The following SLC9C1 variants were observed in gnomAD, a reference collection of about 807,000 sequenced individuals.
The protein encoded by SLC9C1 is solute carrier family 9 member C1, also known as sodium/hydrogen exchanger 10.
In SLC9C1, 97 loss-of-function variants were observed where a neutral mutation model predicts 140.9. The ratio of observed to expected loss-of-function variants is 0.69; its 90% CI spans 0.58 to 0.82. The LOEUF (loss-of-function observed/expected upper bound fraction) is 0.82. SLC9C1 is among the 40% of genes least tolerant of loss of function. SLC9C1 has a pLI of 0.00. For missense variants in SLC9C1, 1,340 were observed against 1,389.3 expected (o/e 0.96, Z 0.56); for synonymous variants, 440 against 442.6 (o/e 0.99, Z 0.07).
chr3:112,250,350 GT>G (rs1398141564), intron 10 of SLC9C1, among the ~76,000 whole-genome samples: 1 of 150,974 alleles, frequency 6.6e-6, no homozygotes, highest in African/African-American at 2.4e-5. Context: ...CTTTGCTATT[GT>G]GAATAGTGCC....
rs368072876 is a variant in SLC9C1, at chr3:112,157,210, G to A, written c.3365-2161C>T. ...GTTTTTTTCTATATGGTAATAGATG[G>A]GAAACTTGTTTCATTCTTCTGCATA... On this transcript the variant is annotated intron_variant, in intron 26 of 28. Coordinates refer to ENST00000305815, the MANE Select transcript of SLC9C1 (RefSeq NM_183061.3). 4.6e-5 allele frequency among the ~76,000 whole-genome samples: 7 copies of A among 151,852 alleles called. 1 individual carries two copies. The South Asian group carries it at 1.5e-3, about 32-fold the overall frequency.
intron 13 of SLC9C1, among the ~76,000 whole-genome samples, chr3:112,227,850 A>G (rs1424757743): frequency 6.6e-6 from 1 of 152,140 alleles, no homozygotes; most frequent in Non-Finnish European, 1.5e-5. Flanking sequence ...GAATACATTT[A>G]ACCATGAAAA....
At chr3:112,293,355 C>T (rs935370017) in intron 1 of SLC9C1, among the ~76,000 whole-genome samples, 1 of 151,850 alleles carries the variant, frequency 6.6e-6, no homozygotes, top group Non-Finnish European at 1.5e-5. Flanking sequence ...TAATGACTGC[C>T]CTCTCAAAAA....
intron 26 of SLC9C1, among the ~76,000 whole-genome samples, chr3:112,164,911 A>G (rs972885851): frequency 3.3e-5 from 5 of 152,224 alleles, no homozygotes; most frequent in African/African-American, 9.6e-5. Context: ...AGGTACACCA[A>G]TCAGACGTAG....
intron 15 of SLC9C1, among the ~76,000 whole-genome samples, chr3:112,215,858 T>C (rs1255885536): frequency 6.6e-6 from 1 of 152,150 alleles, no homozygotes; most frequent in African/African-American, 2.4e-5. Context: ...AAAACTACTT[T>C]AAACTTCATA....
chr3:112,233,155 A>G (rs1312118053), intron 12 of SLC9C1, among the ~76,000 whole-genome samples: 1 of 151,074 alleles, frequency 6.6e-6, no homozygotes, highest in Non-Finnish European at 1.5e-5. Context: ...CACAGCCTCA[A>G]CCTCCCAGGC....
rs566189211 is a variant in SLC9C1, at chr3:112,169,115, A to G, written c.3052-53T>C. The G allele has an allele frequency of 3.9e-5, 62 of 1,572,376 alleles. 1 individual carries two copies. The highest frequency in any genetic ancestry group is 3.5e-4 in the African/African-American group (26 of 73,386). On this transcript the variant is annotated intron_variant, in intron 24 of 28. Transcript: ENST00000305815. ...ATTATTAGTCTATGAAGTTCAGTAT[A>G]TATTCATAAATAGTCAATTATAATG...
At chr3:112,177,001 CTCTCTTT>C (rs1288073589) in intron 23 of SLC9C1, among the ~76,000 whole-genome samples, 2 of 127,320 alleles carry the variant, frequency 1.6e-5, no homozygotes, top group Non-Finnish European at 3.4e-5. Flanking sequence ...CTCTCTCTCT[CTCTCTTT>C]TTTTTTTTTT....
In SLC9C1 at chr3:112,169,024, A is replaced by T. The variant is rs765853302; in HGVS notation, c.3090T>A (p.Ile1030=). 3 of 1,598,722 alleles carry T rather than the reference A, an allele frequency of 1.9e-6. No individual in the cohort carries two copies. In the African/African-American group the frequency reaches 4.1e-5, roughly 22 times the overall value. The stretch of plus-strand genomic sequence containing the variant: ...TACTCATTGGTATATCTACTACATA[A>T]ATATTAGAGAGCTTTAGTTGCATAT... ...NYNMQLKLSN[I]YVVDIPMSTK... is the part of the protein sequence containing the mutation. Residue 1030 remains isoleucine, a synonymous_variant, in exon 25 of 29, where the codon ATT becomes ATA. Coordinates refer to ENST00000305815, the MANE Select transcript of SLC9C1 (RefSeq NM_183061.3).
intron 26 of SLC9C1, among the ~76,000 whole-genome samples, chr3:112,165,106 A>G (rs1049751234): frequency 6.6e-6 from 1 of 152,126 alleles, no homozygotes; most frequent in South Asian, 2.1e-4. Flanking sequence ...TTCTTGTGCC[A>G]TGGTTTTCAG....
chr3:112,235,644 G>A (rs927269765), intron 12 of SLC9C1, among the ~76,000 whole-genome samples: 10 of 151,936 alleles, frequency 6.6e-5, no homozygotes, highest in South Asian at 2.1e-4. Context: ...TTTGAAATAC[G>A]TCCCATCAAT....
chr3:112,200,848 C>G (rs1316354497), intron 18 of SLC9C1, 86 bp from the exon 19 acceptor site: 2 of 1,195,160 alleles, frequency 1.7e-6, no homozygotes, highest in South Asian at 1.4e-5. Context: ...GATTTTTAAC[C>G]TAAGTTAATA....
intron 7 of SLC9C1, among the ~76,000 whole-genome samples, chr3:112,269,089 A>G (rs1371439093): frequency 7.2e-5 from 11 of 152,242 alleles, no homozygotes; most frequent in Non-Finnish European, 1.6e-4. Context: ...AAGACAAAAT[A>G]TCTAATTTAC....
intron 12 of SLC9C1, among the ~76,000 whole-genome samples, chr3:112,239,045 G>T (rs1232783911): frequency 6.6e-6 from 1 of 152,194 alleles, no homozygotes; most frequent in Non-Finnish European, 1.5e-5. Context: ...GCTATGCCCT[G>T]CCCCCAGAGG....
chr3:112,154,763 A>G (rs1394175588), intron 27 of SLC9C1, among the ~76,000 whole-genome samples: 1 of 152,164 alleles, frequency 6.6e-6, no homozygotes, highest in Non-Finnish European at 1.5e-5. Context: ...TTCAAGACAG[A>G]TCTTCTGGCA....
At chr3:112,235,581 T>C (rs2078961180) in intron 12 of SLC9C1, among the ~76,000 whole-genome samples, 1 of 151,742 alleles carries the variant, frequency 6.6e-6, no homozygotes, top group Admixed American at 6.6e-5. Flanking sequence ...TTCCAGTTTT[T>C]GCCCATTCAG....
intron 27 of SLC9C1, among the ~76,000 whole-genome samples, chr3:112,152,961 A>G (rs574775806): frequency 1.1e-4 from 17 of 152,272 alleles, no homozygotes; most frequent in Non-Finnish European, 1.6e-4. Flanking sequence ...TTTTCTAGAT[A>G]GACACAATAA....
chr3:112,293,112 C>CA (rs58937356), intron 1 of SLC9C1, among the ~76,000 whole-genome samples: 25,333 of 128,608 alleles, frequency 0.2, 2,622 homozygotes, highest in Middle Eastern at 0.28. Context: ...ACTAAAAATA[C>CA]AAAAAAAAAA....
At chr3:112,244,544 G>A (rs955152210) in intron 10 of SLC9C1, among the ~76,000 whole-genome samples, 1 of 152,166 alleles carries the variant, frequency 6.6e-6, no homozygotes, top group African/African-American at 2.4e-5. Flanking sequence ...CCCTTGATAT[G>A]TTTTCTCCAC....
Sources: allele counts gnomAD v4.1 joint callset (sites outside exome capture counted in the v4.1 genomes callset), GRCh38; gene constraint gnomAD v4.1.1; transcripts MANE v1.5; gene names NCBI Gene and HGNC (gene_info 2026-07-23, HGNC 2026-07-21).